The following AMN variants were observed in gnomAD, a reference collection of about 807,000 sequenced individuals.
The protein encoded by AMN is protein amnionless.
A neutral mutation model predicts 49.1 loss-of-function variants in AMN; 40 were observed. That is an observed-to-expected ratio of 0.81 (90% confidence interval 0.63 to 1.06). The LOEUF (loss-of-function observed/expected upper bound fraction) is 1.06. AMN is among the 50% of genes least tolerant of loss of function. The pLI, the probability that AMN is intolerant of heterozygous loss-of-function variation, is 0.00. For missense variants in AMN, 701 were observed against 662.8 expected (o/e 1.06, Z -0.63); for synonymous variants, 380 against 313.3 (o/e 1.21, Z -2.25).
In AMN at chr14:102,927,633, C is replaced by T. The variant is rs546965232; in HGVS notation, c.208-793C>T. On this transcript the variant is annotated intron_variant, in intron 3 of 11. Transcript: ENST00000299155. ...AAGAGTGGGTCCTGCCTCGGGTGGGCGCGCCCTGCTGTGCTGAGCCCCTCA... is the reference window on the plus strand; with the variant it reads ...AAGAGTGGGTCCTGCCTCGGGTGGGTGCGCCCTGCTGTGCTGAGCCCCTCA... Among the ~76,000 whole-genome samples, 4 of 152,322 alleles carry T rather than the reference C, an allele frequency of 2.6e-5. No individual in the cohort carries two copies. In the East Asian group the frequency reaches 7.7e-4, roughly 29 times the overall value.
At chr14:102,922,791 C>CTA in intron 1 of AMN, 60 bp downstream of exon 1, 1 of 1,541,152 alleles carries the variant, frequency 6.5e-7, no homozygotes, top group Non-Finnish European at 8.7e-7. Flanking sequence ...GACCCAGGGC[C>CTA]GAGGTCGCTC....
chr14:102,926,867 T>A (rs1199655134), intron 3 of AMN, among the ~76,000 whole-genome samples: 1 of 152,170 alleles, frequency 6.6e-6, no homozygotes, highest in Non-Finnish European at 1.5e-5. Flanking sequence ...GGTCTTATAT[T>A]GTATTGGTTA....
Position 102,930,649 on chromosome 14 carries a change from C to G in AMN, c.1331C>G (p.Pro444Arg). 1.3e-6 allele frequency: 2 copies of G among 1,599,116 alleles called. No homozygotes were observed. The highest frequency in any genetic ancestry group is 1.7e-6 in the Non-Finnish European group (2 of 1,174,238). Residue 444 changes from proline to arginine, a missense_variant, in exon 12 of 12, where the codon CCT (proline) becomes CGT (arginine). Physicochemically the swap from Pro to Arg is moderately radical, Grantham distance 103 (BLOSUM62 -2). Transcript: ENST00000299155. The part of the protein sequence containing the change: ...DSTSHSYFVN[P>R]LFAGAEAEA ...ACCAGCCACAGTTACTTCGTCAACC[C>G]TCTGTTCGCCGGGGCCGAGGCCGAG...
rs769508609 is a variant in AMN, at chr14:102,930,151, C to T, written c.1007-14C>T. 3 of 1,493,702 alleles carry T rather than the reference C, an allele frequency of 2.0e-6. No individual in the cohort carries two copies. The highest frequency in any genetic ancestry group is 2.7e-6 in the Non-Finnish European group (3 of 1,128,302). 92.5% of individuals were successfully genotyped at this position (1,493,702 alleles called of 1,614,324 possible). On this transcript the variant is annotated splice_polypyrimidine_tract_variant and intron_variant, in intron 9 of 11. Coordinates refer to ENST00000299155, the MANE Select transcript of AMN (RefSeq NM_030943.4). ...CCCGCCGCGGGGAAGACTGAGCCGG[C>T]CCCTCCGTCGCAGGCGAGGCCCTCG...
At chr14:102,924,973 A>G (rs1891154099) in intron 3 of AMN, among the ~76,000 whole-genome samples, 1 of 152,210 alleles carries the variant, frequency 6.6e-6, no homozygotes, top group Non-Finnish European at 1.5e-5. Flanking sequence ...GCGACAGTAA[A>G]TACAGCTTCA....
In AMN at chr14:102,930,842, A is replaced by G; in HGVS notation, c.*162A>G. The G allele has an allele frequency of 1.2e-6, 1 of 803,914 alleles. No homozygotes were observed. Among genetic ancestry groups the G allele is most frequent in the South Asian group, 1.6e-5 (1 of 62,624 alleles). 49.8% of individuals were successfully genotyped at this position (803,914 alleles called of 1,614,324 possible). ...CTTACTCAGTAAAGGTGTTTCCTGC[A>G]CCTGCTGTCAGCCTGGCTATGCCGC... On this transcript the variant is annotated 3_prime_UTR_variant, in exon 12 of 12. Transcript: ENST00000299155.
At chr14:102,925,682 T>A (rs951891068) in intron 3 of AMN, among the ~76,000 whole-genome samples, 2 of 152,162 alleles carry the variant, frequency 1.3e-5, no homozygotes, top group African/African-American at 4.8e-5. Context: ...TGGAAGCACT[T>A]GGGCTCTGAA....
At chr14:102,927,905 C>G (rs1047679628) in intron 3 of AMN, among the ~76,000 whole-genome samples, 1 of 152,220 alleles carries the variant, frequency 6.6e-6, no homozygotes, top group Non-Finnish European at 1.5e-5. Flanking sequence ...ACTCCACCTC[C>G]CCGCTACACT....
chr14:102,928,722 T>C, intron 4 of AMN, 36 bp from the exon 5 acceptor site: 1 of 1,592,916 alleles, frequency 6.3e-7, no homozygotes, highest in Non-Finnish European at 8.5e-7. Context: ...GGCGCGGCGC[T>C]TGTTCCGTGG....
chr14:102,923,596 C>T, intron 1 of AMN, 115 bp from the exon 2 acceptor site: 1 of 977,710 alleles, frequency 1.0e-6, no homozygotes. Context: ...GGATGGGGTT[C>T]CTATGCGTCC....
intron 3 of AMN, among the ~76,000 whole-genome samples, chr14:102,926,290 T>C (rs1189821885): frequency 6.6e-6 from 1 of 152,254 alleles, no homozygotes; most frequent in Admixed American, 6.5e-5. Context: ...CCTGCTGTGT[T>C]TCTCTCCTTA....
In AMN at chr14:102,928,852, G is replaced by A. The variant is rs1386844845; in HGVS notation, c.390G>A (p.Val130=). 6 of 1,605,146 alleles carry A rather than the reference G, an allele frequency of 3.7e-6. No individual in the cohort carries two copies. Among genetic ancestry groups the A allele is most frequent in the Non-Finnish European group, 5.1e-6 (6 of 1,179,804 alleles). Residue 130 remains valine, a synonymous_variant, in exon 5 of 12, where the codon GTG becomes GTA. Coordinates refer to ENST00000299155, the MANE Select transcript of AMN (RefSeq NM_030943.4). Reference sequence around the variant, plus strand: ...ACGAGGCACCTGGCCTCTTCTTCGTGGACGCCGAGCGCGTGCCCTGCCGCC... The same window carrying A: ...ACGAGGCACCTGGCCTCTTCTTCGTAGACGCCGAGCGCGTGCCCTGCCGCC... The part of the protein sequence containing the change: ...SGDEAPGLFF[V]DAERVPCRHD...
intron 3 of AMN, among the ~76,000 whole-genome samples, 163 bp downstream of exon 3, chr14:102,924,142 G>A (rs1210532565): frequency 6.6e-6 from 1 of 152,146 alleles, no homozygotes; most frequent in African/African-American, 2.4e-5. Flanking sequence ...GAGTGGGGGG[G>A]AACCTAGGGG....
rs773472640 is a variant in AMN at position 102,923,817 on chromosome 14, C to G, written c.150C>G (p.Phe50Leu). 6.2e-7 allele frequency: 1 copy of G among 1,612,628 alleles called. No individual in the cohort carries two copies. The highest frequency in any genetic ancestry group is 8.5e-7 in the Non-Finnish European group (1 of 1,179,826). ...RTPCAGGAVE[F>L]PADKMVSVLV... ...CGTGCGCCGGCGGCGCCGTTGAGTT[C>G]CCGGCGGACAAGGTGCCTGGGAGCG... The change falls in exon 2 of 12, where the codon TTC becomes TTG. Residue 50 changes from phenylalanine to leucine, a missense_variant. Phe to Leu is a conservative substitution (Grantham distance 22). Coordinates refer to ENST00000299155, the MANE Select transcript of AMN (RefSeq NM_030943.4).
intron 4 of AMN, 100 bp downstream of exon 4, chr14:102,928,613 G>T: frequency 1.3e-6 from 2 of 1,482,172 alleles, no homozygotes; most frequent in Non-Finnish European, 1.8e-6. Context: ...GAGGGAGGGC[G>T]CCTCCGGGGG....
intron 1 of AMN, 172 bp downstream of exon 1, chr14:102,922,903 A>G (rs1891091682): frequency 3.2e-6 from 3 of 936,016 alleles, no homozygotes; most frequent in Non-Finnish European, 4.7e-6. Context: ...GCGAGTGCGC[A>G]GCCCGGAAGT....
At chr14:102,923,593 G>T (rs951253932) in intron 1 of AMN, 118 bp from the exon 2 acceptor site, 1 of 960,834 alleles carries the variant, frequency 1.0e-6, no homozygotes, top group South Asian at 1.3e-5. Context: ...CGGGGATGGG[G>T]TTCCTATGCG....
At chr14:102,928,583 G>A (rs1018227490) in intron 4 of AMN, 70 bp downstream of exon 4, 4 of 1,532,174 alleles carry the variant, frequency 2.6e-6, no homozygotes, top group African/African-American at 2.7e-5. Flanking sequence ...GGGAAGGCGC[G>A]TCGAGGGGGG....
At chr14:102,923,912 G>A (rs1406326409) in intron 2 of AMN, 23 bp from the exon 3 acceptor site, 7 of 1,613,048 alleles carry the variant, frequency 4.3e-6, no homozygotes, top group Non-Finnish European at 5.9e-6. Context: ...TCCCGGCTCG[G>A]CTGAGGCAGC....
Sources: gnomAD v4.1 joint callset for allele counts (sites outside exome capture counted in the v4.1 genomes callset) on GRCh38, gnomAD v4.1.1 for gene constraint, MANE v1.5 for transcripts, NCBI Gene and HGNC (gene_info 2026-07-23, HGNC 2026-07-21) for gene names.